HS3ST5: variants seen among roughly 807,000 people sequenced by gnomAD.
HS3ST5 encodes the protein heparan sulfate glucosamine 3-O-sulfotransferase 5.
In HS3ST5, 10 loss-of-function variants were observed where a neutral mutation model predicts 25.4. The ratio of observed to expected loss-of-function variants is 0.39; its 90% CI spans 0.24 to 0.67. HS3ST5 has a LOEUF of 0.67. HS3ST5 is among the 30% of genes least tolerant of loss of function. The pLI, the probability that HS3ST5 is intolerant of heterozygous loss-of-function variation, is 0.44. For synonymous variants in HS3ST5, 170 were observed against 162.4 expected, an observed-to-expected ratio of 1.05 and a Z score of -0.36; for missense variants, 324 against 420.7, an observed-to-expected ratio of 0.77 and a Z score of 2.01.
chr6:114,129,578 C>T (rs558004317), intron 3 of HS3ST5, among the ~76,000 whole-genome samples: 5 of 152,206 alleles, frequency 3.3e-5, no homozygotes, highest in African/African-American at 9.6e-5. Context: ...TAACATCTAG[C>T]AGAGGGTGGG....
At chr6:114,187,511 T>C (rs1780283848) in intron 2 of HS3ST5, among the ~76,000 whole-genome samples, 1 of 152,206 alleles carries the variant, frequency 6.6e-6, no homozygotes, top group South Asian at 2.1e-4. Context: ...ACTTAATTGA[T>C]GCAATTTCAT....
intron 1 of HS3ST5, among the ~76,000 whole-genome samples, chr6:114,310,318 T>G (rs191011399): frequency 1.8e-4 from 27 of 152,296 alleles, no homozygotes; most frequent in Non-Finnish European, 2.9e-4. Flanking sequence ...GGAGAGGTAG[T>G]TGTGTAAGAA....
intron 3 of HS3ST5, among the ~76,000 whole-genome samples, chr6:114,067,343 C>A (rs2114720547): frequency 6.6e-6 from 1 of 152,040 alleles, no homozygotes; most frequent in East Asian, 1.9e-4. Flanking sequence ...TATAAAATGA[C>A]CTCATGGTTA....
rs1248199526 is a variant in HS3ST5 at position 114,057,305 on chromosome 6, A to G, written c.993T>C (p.Phe331=). 7 of 1,613,776 alleles carry G rather than the reference A, an allele frequency of 4.3e-6. No homozygotes were observed. In the African/African-American group the frequency reaches 5.3e-5, roughly 12 times the overall value. The change falls in exon 5 of 5, where the codon TTT becomes TTC. Residue 331 remains phenylalanine (F), a synonymous_variant. Coordinates refer to ENST00000312719, the MANE Select transcript of HS3ST5 (RefSeq NM_153612.4). ...CAGTGATCTGGTAAAATTTTTGATT[A>G]AAAGGATGAAAGAATTTGCGCAATT... ...ITKLRKFFHP[F]NQKFYQITGR...
chr6:114,082,335 A>G (rs1774499647), intron 3 of HS3ST5, among the ~76,000 whole-genome samples: 1 of 152,220 alleles, frequency 6.6e-6, no homozygotes, highest in Admixed American at 6.5e-5. Flanking sequence ...GAGTTAAGTT[A>G]CTAAAATTTT....
chr6:114,060,616 G>C (rs1045948548), intron 4 of HS3ST5, among the ~76,000 whole-genome samples: 2 of 152,172 alleles, frequency 1.3e-5, no homozygotes, highest in African/African-American at 4.8e-5. Flanking sequence ...AAGAATTGAG[G>C]AAACAGTCAC....
intron 2 of HS3ST5, among the ~76,000 whole-genome samples, chr6:114,181,102 G>A (rs9400700): frequency 0.42 from 63,853 of 151,908 alleles, 14,516 homozygotes; most frequent in South Asian, 0.65. Context: ...TTCTTCTGAT[G>A]CACTTTTCCA....
At chr6:114,118,277 T>C (rs9481420) in intron 3 of HS3ST5, among the ~76,000 whole-genome samples, 75 of 152,194 alleles carry the variant, frequency 4.9e-4, no homozygotes, top group African/African-American at 1.8e-3. Flanking sequence ...CACAGCTAGG[T>C]ATAATTTTCA....
intron 3 of HS3ST5, among the ~76,000 whole-genome samples, chr6:114,141,745 G>A (rs984067683): frequency 2.0e-5 from 3 of 152,194 alleles, no homozygotes; most frequent in Admixed American, 1.3e-4. Context: ...CTGAGAAGGT[G>A]AGCGTGCCCT....
chr6:114,207,754 T>C (rs1334692143), intron 2 of HS3ST5, among the ~76,000 whole-genome samples: 1 of 152,180 alleles, frequency 6.6e-6, no homozygotes, highest in African/African-American at 2.4e-5. Flanking sequence ...TATTATACTG[T>C]TGCTGTATTA....
chr6:114,308,750 C>A (rs371642576), intron 1 of HS3ST5, among the ~76,000 whole-genome samples: 2 of 152,130 alleles, frequency 1.3e-5, no homozygotes, highest in Admixed American at 1.3e-4. Flanking sequence ...GAGGTGAAAA[C>A]CAGACCAGGT....
chr6:114,229,788 A>C (rs932961544), intron 1 of HS3ST5, among the ~76,000 whole-genome samples: 3 of 152,192 alleles, frequency 2.0e-5, no homozygotes, highest in Non-Finnish European at 4.4e-5. Flanking sequence ...TTGAATGACG[A>C]CATGATGCTT....
At chr6:114,111,622 G>A (rs938166656) in intron 3 of HS3ST5, among the ~76,000 whole-genome samples, 2 of 152,054 alleles carry the variant, frequency 1.3e-5, no homozygotes, top group African/African-American at 4.8e-5. Context: ...AGAGGTCTAG[G>A]GGCCAGAAAC....
chr6:114,229,991 A>C (rs1206558026), intron 1 of HS3ST5: 1 of 152,208 alleles, frequency 6.6e-6, no homozygotes, highest in East Asian at 1.9e-4. Context: ...GACAAAATGT[A>C]CAAAAAATGT....
chr6:114,243,880 A>G (rs1435169766), intron 1 of HS3ST5, among the ~76,000 whole-genome samples: 3 of 151,600 alleles, frequency 2.0e-5, no homozygotes, highest in African/African-American at 7.3e-5. Flanking sequence ...TCCCCAATAC[A>G]CTCCTAGGAG....
chr6:114,198,946 G>T (rs1780889347), intron 2 of HS3ST5, among the ~76,000 whole-genome samples: 1 of 152,012 alleles, frequency 6.6e-6, no homozygotes, highest in African/African-American at 2.4e-5. Context: ...CAGTGAATTG[G>T]CCTATAAAAG....
intron 1 of HS3ST5, among the ~76,000 whole-genome samples, chr6:114,325,939 G>A (rs1776155328): frequency 6.6e-6 from 1 of 152,126 alleles, no homozygotes; most frequent in Non-Finnish European, 1.5e-5. Flanking sequence ...GCATGCTTAG[G>A]CTATGTTGGT....
intron 2 of HS3ST5, among the ~76,000 whole-genome samples, chr6:114,206,391 T>C (rs1582714363): frequency 1.3e-5 from 2 of 152,178 alleles, no homozygotes; most frequent in African/African-American, 4.8e-5. Context: ...ATCTTATTCA[T>C]CTATAACATT....
chr6:114,303,856 T>A (rs1256025850), intron 1 of HS3ST5, among the ~76,000 whole-genome samples: 1 of 152,156 alleles, frequency 6.6e-6, no homozygotes, highest in Non-Finnish European at 1.5e-5. Flanking sequence ...AATCAGAATG[T>A]GATTTTCCAT....
Sources: gnomAD v4.1 joint callset for allele counts (sites outside exome capture counted in the v4.1 genomes callset) on GRCh38, gnomAD v4.1.1 for gene constraint, MANE v1.5 for transcripts, NCBI Gene and HGNC (gene_info 2026-07-23, HGNC 2026-07-21) for gene names.